LGR4: variants seen among roughly 807,000 people sequenced by gnomAD.
LGR4 encodes leucine rich repeat containing G protein-coupled receptor 4.
In LGR4, 44 loss-of-function variants were observed where a neutral mutation model predicts 84.8. That is an observed-to-expected ratio of 0.52 (90% confidence interval 0.41 to 0.67). LGR4 has a LOEUF of 0.67. LGR4 is among the 30% of genes least tolerant of loss of function. LGR4 has a pLI of 0.00. For missense variants in LGR4, 1,032 were observed against 1,131.4 expected (o/e 0.91, Z 1.26); for synonymous variants, 429 against 434.3 (o/e 0.99, Z 0.15).
At chr11:27,460,686 T>C (rs1450223339) in intron 1 of LGR4, among the ~76,000 whole-genome samples, 1 of 152,178 alleles carries the variant, frequency 6.6e-6, no homozygotes, top group Non-Finnish European at 1.5e-5. Context: ...CAACCTACCA[T>C]GAAGAATGAA....
chr11:27,421,199 C>A (rs530576575), intron 1 of LGR4, among the ~76,000 whole-genome samples: 42 of 152,218 alleles, frequency 2.8e-4, no homozygotes, highest in Admixed American at 2.4e-3. Flanking sequence ...ATATTTTGTA[C>A]CAACTAACCT....
chr11:27,368,088 G>C lies in LGR4; in HGVS notation c.2635C>G (p.His879Asp). ...GCCACTGCCAATGCAGGACAGCTGTGTGATTTTATCAAGTGTTTGCATGAT... is the reference window on the plus strand; with the variant it reads ...GCCACTGCCAATGCAGGACAGCTGTCTGATTTTATCAAGTGTTTGCATGAT... ...PVSCKHLIKSHSCPALAVASC... is the reference protein window; with the variant it reads ...PVSCKHLIKSDSCPALAVASC... The change falls in exon 18 of 18, where the codon CAC (histidine) becomes GAC (aspartate). Residue 879 changes from histidine (H) to aspartate (D), a missense_variant. Coordinates refer to ENST00000379214, the MANE Select transcript of LGR4 (RefSeq NM_018490.5). The C allele has an allele frequency of 6.2e-7, 1 of 1,614,102 alleles. No homozygotes were observed. Among genetic ancestry groups the C allele is most frequent in the Non-Finnish European group, 8.5e-7 (1 of 1,179,998 alleles).
chr11:27,375,808 C>A (rs895022848), intron 13 of LGR4, among the ~76,000 whole-genome samples: 1 of 152,158 alleles, frequency 6.6e-6, no homozygotes, highest in Non-Finnish European at 1.5e-5. Context: ...CAAGCTACAT[C>A]ACTTCAGTTA....
chr11:27,439,378 T>C (rs543434156), intron 1 of LGR4, among the ~76,000 whole-genome samples: 11 of 152,238 alleles, frequency 7.2e-5, no homozygotes, highest in Non-Finnish European at 1.0e-4. Flanking sequence ...ATCCATTTTG[T>C]AGCATGTGTC....
intron 8 of LGR4, 77 bp downstream of exon 8, chr11:27,380,814 ATTCT>A: frequency 8.5e-7 from 1 of 1,180,304 alleles, no homozygotes; most frequent in Non-Finnish European, 1.3e-6. Flanking sequence ...CTGACTTCTC[ATTCT>A]TTATCAGGGT....
At chr11:27,396,210 G>A (rs1029859523) in intron 2 of LGR4, among the ~76,000 whole-genome samples, 4 of 152,182 alleles carry the variant, frequency 2.6e-5, no homozygotes, top group African/African-American at 4.8e-5. Context: ...TGATGCCTCT[G>A]GTAGTCACCA....
chr11:27,402,442 C>T (rs1467976319), intron 2 of LGR4, among the ~76,000 whole-genome samples: 4 of 152,102 alleles, frequency 2.6e-5, no homozygotes, highest in Admixed American at 2.0e-4. Context: ...TTCTTGACGA[C>T]GTGGCTGAGC....
chr11:27,457,082 A>G (rs1212362120), intron 1 of LGR4, among the ~76,000 whole-genome samples: 1 of 152,186 alleles, frequency 6.6e-6, no homozygotes, highest in African/African-American at 2.4e-5. Context: ...CCTGAGCTTC[A>G]CAAACTACCA....
At chr11:27,403,424 T>C (rs1424823281) in intron 2 of LGR4, among the ~76,000 whole-genome samples, 6 of 152,236 alleles carry the variant, frequency 3.9e-5, no homozygotes, top group East Asian at 1.9e-4. Flanking sequence ...GCCTGGACAA[T>C]AGAGTGAGAC....
At chr11:27,415,874 A>G (rs1430539049) in intron 1 of LGR4, among the ~76,000 whole-genome samples, 5 of 152,150 alleles carry the variant, frequency 3.3e-5, no homozygotes, top group Non-Finnish European at 7.4e-5. Flanking sequence ...TCTTAAGAGT[A>G]GATTCTAGAT....
At chr11:27,380,228 A>T in intron 10 of LGR4, 43 bp downstream of exon 10, 1 of 1,230,158 alleles carries the variant, frequency 8.1e-7, no homozygotes, top group Non-Finnish European at 1.2e-6. Flanking sequence ...GCAGTCCAGT[A>T]GTGTTATCTT....
chr11:27,415,710 C>T (rs1565085476), intron 1 of LGR4, among the ~76,000 whole-genome samples: 2 of 152,082 alleles, frequency 1.3e-5, no homozygotes, highest in South Asian at 4.1e-4. Context: ...TCAGTTACAA[C>T]ATTTATGAAG....
intron 1 of LGR4, among the ~76,000 whole-genome samples, chr11:27,433,772 G>A (rs1484179401): frequency 6.6e-6 from 1 of 152,186 alleles, no homozygotes; most frequent in East Asian, 1.9e-4. Context: ...CACAGACGCA[G>A]CACAGTGTGG....
At chr11:27,387,777 T>C (rs1180952830) in intron 4 of LGR4, among the ~76,000 whole-genome samples, 1 of 152,212 alleles carries the variant, frequency 6.6e-6, no homozygotes, top group African/African-American at 2.4e-5. Context: ...TTGTTTATTT[T>C]ATCATGCTGA....
chr11:27,400,561 G>C (rs1009388501), intron 2 of LGR4, among the ~76,000 whole-genome samples: 2 of 151,274 alleles, frequency 1.3e-5, no homozygotes, highest in African/African-American at 4.9e-5. Context: ...GGAGTGCAGT[G>C]GTGCAATCTC....
intron 1 of LGR4, among the ~76,000 whole-genome samples, chr11:27,469,410 A>G (rs1864831800): frequency 6.6e-6 from 1 of 152,176 alleles, no homozygotes; most frequent in African/African-American, 2.4e-5. Flanking sequence ...ATTCCATGCC[A>G]CGGTTCTGCT....
At position 27,472,122 on chromosome 11, in the gene LGR4, C is replaced by A; in HGVS notation, c.181G>T (p.Ala61Ser). The A allele has an allele frequency of 7.7e-7, 1 of 1,295,406 alleles. No individual in the cohort carries two copies. The highest frequency in any genetic ancestry group is 9.8e-7 in the Non-Finnish European group (1 of 1,018,234). 80.2% of individuals were successfully genotyped at this position (1,295,406 alleles called of 1,614,324 possible). The change falls in exon 1 of 18, where the codon GCG (alanine) becomes TCG (serine). Residue 61 changes from alanine to serine, a missense_variant. Ala to Ser is a moderately conservative substitution (Grantham distance 99, BLOSUM62 1). Transcript: ENST00000379214. ...VPEGLSAFTQ[A>S]LDISMNNITQ... ...GTCCCCGCCGCCCGCACTCACAGCG[C>A]TTGGGTGAAGGCGCTGAGCCCCTCG...
chr11:27,420,259 GC>G (rs1863903674), intron 1 of LGR4, among the ~76,000 whole-genome samples: 1 of 152,088 alleles, frequency 6.6e-6, no homozygotes, highest in Non-Finnish European at 1.5e-5. Context: ...GAAATATGGG[GC>G]TCTTTTCTGT....
intron 1 of LGR4, among the ~76,000 whole-genome samples, chr11:27,439,744 C>T (rs142282053): frequency 5.3e-5 from 8 of 152,066 alleles, no homozygotes; most frequent in African/African-American, 1.9e-4. Flanking sequence ...TTTTGTCTAC[C>T]TCTCTCTGCT....
Sources: allele counts gnomAD v4.1 joint callset (sites outside exome capture counted in the v4.1 genomes callset), GRCh38; gene constraint gnomAD v4.1.1; transcripts MANE v1.5; gene names NCBI Gene and HGNC (gene_info 2026-07-23, HGNC 2026-07-21).